The following TECTB variants were observed in gnomAD, a reference collection of about 807,000 sequenced individuals.
TECTB encodes the protein beta-tectorin.
In TECTB, 45 loss-of-function variants were observed where a neutral mutation model predicts 43.3. That is an observed-to-expected ratio of 1.04 (90% confidence interval 0.82 to 1.33). The LOEUF (loss-of-function observed/expected upper bound fraction) is 1.33. TECTB is among the 40% of genes most tolerant of loss of function. The pLI, the probability that TECTB is intolerant of heterozygous loss-of-function variation, is 0.00. For synonymous variants in TECTB, 169 were observed against 156.7 expected (o/e 1.08, Z -0.59); for missense variants, 399 against 404.7 (o/e 0.99, Z 0.12).
At chr10:112,296,587 T>C (rs1422799817) in intron 7 of TECTB, among the ~76,000 whole-genome samples, 7 of 152,224 alleles carry the variant, frequency 4.6e-5, no homozygotes, top group Admixed American at 3.9e-4. Context: ...ACAGAAGTCT[T>C]GTTTCACAAC....
chr10:112,302,122 A>G lies in TECTB; in HGVS notation c.929A>G (p.Tyr310Cys), dbSNP rs771908953. ...SLRSRGFSSL[Y>C]SFSDVLHHLI... is the part of the protein sequence containing the mutation. ...ACAGGCAGGGGATTTTCCAGTCTCT[A>G]TAGCTTCTCAGGTAAGGAAAAGAGA... The change falls in exon 10 of 11, where the codon TAT becomes TGT. Residue 310 changes from tyrosine (Y) to cysteine (C), a missense_variant. Coordinates refer to ENST00000646139, the MANE Select transcript of TECTB (RefSeq NM_058222.3). 2 of 1,614,088 alleles carry G rather than the reference A, an allele frequency of 1.2e-6. No individual in the cohort carries two copies. The highest frequency in any genetic ancestry group is 4.5e-5 in the East Asian group (2 of 44,882).
intron 10 of TECTB, 106 bp downstream of exon 10, chr10:112,302,239 T>C (rs886489958): frequency 3.6e-6 from 5 of 1,399,536 alleles, no homozygotes; most frequent in Admixed American, 1.8e-5. Context: ...TTTTAAGGAT[T>C]GAAAATTATA....
At chr10:112,297,760 C>G (rs894255320) in intron 7 of TECTB, among the ~76,000 whole-genome samples, 1 of 152,112 alleles carries the variant, frequency 6.6e-6, no homozygotes, top group Admixed American at 6.6e-5. Context: ...TTCCAGTCCT[C>G]GGAGGGCCTT....
rs114503298 is a variant in TECTB at position 112,288,688 on chromosome 10, G to A, written c.483+2297G>A. ...TATATTTCCATCAAATTACCAGAAA[G>A]AGAGCTCTGCCCTAGATAACACAAT... On this transcript the variant is annotated intron_variant, in intron 5 of 10. Transcript: ENST00000646139. Among the ~76,000 whole-genome samples the A allele has an allele frequency of 5.0e-3, 764 of 152,246 alleles. 5 individuals are homozygous for A. Among genetic ancestry groups the A allele is most frequent in the African/African-American group, 0.018 (737 of 41,534 alleles).
At chr10:112,300,204 G>C (rs952822535) in intron 9 of TECTB, among the ~76,000 whole-genome samples, 1 of 91,104 alleles carries the variant, frequency 1.1e-5, no homozygotes, top group African/African-American at 4.0e-5. Context: ...GAAAGAAAGA[G>C]AGACAGACAG....
rs986470202 is a variant in TECTB at position 112,298,307 on chromosome 10, A to G, written c.834+76A>G. The G allele has an allele frequency of 1.9e-6, 3 of 1,538,498 alleles. No individual in the cohort carries two copies. In the African/African-American group the frequency reaches 4.1e-5, roughly 21 times the overall value. ...TGGAGGAGCTGGAGTTTGAGTGGGG[A>G]GATCATAACCAGGCCAGGGCAGCTG... On this transcript the variant is annotated intron_variant, in intron 8 of 10. Coordinates refer to ENST00000646139, the MANE Select transcript of TECTB (RefSeq NM_058222.3).
intron 7 of TECTB, 144 bp downstream of exon 7, chr10:112,294,205 G>A (rs180751887): frequency 2.9e-6 from 2 of 695,842 alleles, no homozygotes; most frequent in East Asian, 2.7e-5. Context: ...TCCAGGCAAA[G>A]AACAAATACT....
chr10:112,297,366 C>A lies in TECTB; in HGVS notation c.672-703C>A, dbSNP rs575731728. ...GTCATTTTTTAAACTGAATTATTAC[C>A]TTTGAGACGTTGGAATATCATACAA... On this transcript the variant is annotated intron_variant, in intron 7 of 10. Transcript: ENST00000646139. 2.2e-4 allele frequency among the ~76,000 whole-genome samples: 34 copies of A among 152,174 alleles called. No individual in the cohort carries two copies. In the South Asian group the frequency reaches 5.2e-3, roughly 23 times the overall value.
Position 112,298,049 on chromosome 10 carries a change from T to C in TECTB, c.672-20T>C. 1 of 1,613,984 alleles carries C rather than the reference T, an allele frequency of 6.2e-7. No individual in the cohort carries two copies. The highest frequency in any genetic ancestry group is 1.3e-5 in the African/African-American group (1 of 75,058). ...GTTCAAGGAGATGACAGTTCACTCT[T>C]CTTTCCCCATCTGCCTCAGCTGCCC... On this transcript the variant is annotated intron_variant, in intron 7 of 10. Transcript: ENST00000646139.
intron 7 of TECTB, among the ~76,000 whole-genome samples, chr10:112,297,760 C>T (rs894255320): frequency 3.3e-5 from 5 of 152,112 alleles, no homozygotes; most frequent in Admixed American, 2.0e-4. Flanking sequence ...TTCCAGTCCT[C>T]GGAGGGCCTT....
chr10:112,291,274 G>A (rs1297988719), intron 5 of TECTB, among the ~76,000 whole-genome samples: 1 of 152,024 alleles, frequency 6.6e-6, no homozygotes, highest in Non-Finnish European at 1.5e-5. Flanking sequence ...AGTGTGCTGA[G>A]GATAATGGCT....
At position 112,303,433 on chromosome 10, in the gene TECTB, C is replaced by A; in HGVS notation, c.*121C>A. On this transcript the variant is annotated 3_prime_UTR_variant, in exon 11 of 11. Coordinates refer to ENST00000646139, the MANE Select transcript of TECTB (RefSeq NM_058222.3). Reference sequence around the variant, plus strand: ...CACATTGTTGGGGGGCAGAGAATAGCACTTTGCCAAATATGCACTCCAATA... The same window carrying A: ...CACATTGTTGGGGGGCAGAGAATAGAACTTTGCCAAATATGCACTCCAATA... 2 of 1,263,754 alleles carry A rather than the reference C, an allele frequency of 1.6e-6. No individual in the cohort carries two copies. Among genetic ancestry groups the A allele is most frequent in the Non-Finnish European group, 2.3e-6 (2 of 875,522 alleles). The allele number at this position is 1,263,754 out of a possible 1,614,324, so 78.3% of individuals were successfully genotyped here. A position where few individuals can be genotyped will look rare whatever the true frequency, so the allele number is the denominator to read the frequency against.
intron 2 of TECTB, 71 bp downstream of exon 2, chr10:112,283,881 C>CAGAAG: frequency 6.7e-7 from 1 of 1,483,264 alleles, no homozygotes; most frequent in Non-Finnish European, 9.3e-7. Flanking sequence ...ATGCTCAGCA[C>CAGAAG]TTCTGTGCTT....
chr10:112,288,722 T>G (rs543864221), intron 5 of TECTB, among the ~76,000 whole-genome samples: 1 of 152,328 alleles, frequency 6.6e-6, no homozygotes, highest in Admixed American at 6.5e-5. Flanking sequence ...ATGGAATCAA[T>G]GCACTGCTAA....
intron 7 of TECTB, among the ~76,000 whole-genome samples, chr10:112,297,170 T>C (rs1267368410): frequency 2.0e-5 from 3 of 152,168 alleles, no homozygotes; most frequent in Non-Finnish European, 2.9e-5. Flanking sequence ...CATTCTCCAC[T>C]GTGGGGGCTG....
At chr10:112,286,453 A>G in intron 5 of TECTB, 62 bp downstream of exon 5, 1 of 1,532,290 alleles carries the variant, frequency 6.5e-7, no homozygotes, top group Non-Finnish European at 8.9e-7. Flanking sequence ...AGATGGTGGG[A>G]TGCTTCCTCG....
intron 3 of TECTB, among the ~76,000 whole-genome samples, chr10:112,285,321 C>A (rs1224069504): frequency 6.6e-6 from 1 of 152,182 alleles, no homozygotes; most frequent in Non-Finnish European, 1.5e-5. Flanking sequence ...GAGGCTAGGT[C>A]TCCCAACCTC....
At chr10:112,297,534 T>C (rs958635900) in intron 7 of TECTB, among the ~76,000 whole-genome samples, 1 of 152,198 alleles carries the variant, frequency 6.6e-6, no homozygotes, top group Non-Finnish European at 1.5e-5. Flanking sequence ...TCTGTGCTTA[T>C]ATTAAAAATG....
intron 8 of TECTB, among the ~76,000 whole-genome samples, chr10:112,298,828 A>G (rs1264679916): frequency 6.6e-6 from 1 of 152,224 alleles, no homozygotes; most frequent in Non-Finnish European, 1.5e-5. Context: ...ACCACCACTT[A>G]GACACTTAGA....
Sources: allele counts gnomAD v4.1 joint callset (sites outside exome capture counted in the v4.1 genomes callset), GRCh38; gene constraint gnomAD v4.1.1; transcripts MANE v1.5; gene names NCBI Gene and HGNC (gene_info 2026-07-23, HGNC 2026-07-21).